Variants in DMTF1 observed in about 807,000 individuals in gnomAD.
DMTF1 encodes the protein cyclin D binding myb like transcription factor 1.
DMTF1 carries 39 observed loss-of-function variants against 91.1 expected under a neutral mutation model. That is an observed-to-expected ratio of 0.43 (90% CI 0.33 to 0.56). DMTF1 has a LOEUF of 0.56. DMTF1 is among the 20% of genes least tolerant of loss of function. The pLI is 0.05. For synonymous variants in DMTF1, 338 were observed against 309.5 expected (o/e 1.09, Z -0.97); for missense variants, 750 against 914.5 (o/e 0.82, Z 2.32).
chr7:87,158,083 T>C (rs1242270181), intron 1 of DMTF1, among the ~76,000 whole-genome samples: 3 of 152,032 alleles, frequency 2.0e-5, no homozygotes, highest in African/African-American at 7.2e-5. Context: ...CTATCAACTT[T>C]TGTGGCCCAG....
chr7:87,180,241 T>C (rs902896595), intron 8 of DMTF1, among the ~76,000 whole-genome samples: 11 of 152,246 alleles, frequency 7.2e-5, no homozygotes, highest in African/African-American at 2.4e-4. Context: ...TAGGTGGCAG[T>C]AGTATGGCTT....
rs143293688 is a variant in DMTF1, at chr7:87,167,391, T to A, written c.232+786T>A. Among the ~76,000 whole-genome samples the A allele has an allele frequency of 1.0e-3, 156 of 152,094 alleles. 1 individual carries two copies. In the East Asian group the frequency reaches 0.024, roughly 23 times the overall value. ...GATTTGCTTAGCAAAGAGTGTGGAG[T>A]GTTCAGGAAGATTCTGGAGTAGATG... On this transcript the variant is annotated intron_variant, in intron 4 of 17. Transcript: ENST00000331242.
At chr7:87,190,906 A>G in intron 13 of DMTF1, 39 bp from the exon 14 acceptor site, 1 of 1,525,476 alleles carries the variant, frequency 6.6e-7, no homozygotes, top group Non-Finnish European at 8.9e-7. Flanking sequence ...CATTTATTGT[A>G]AATTATTCTT....
chr7:87,159,364 C>G (rs1200188870), intron 1 of DMTF1, among the ~76,000 whole-genome samples: 1 of 151,478 alleles, frequency 6.6e-6, no homozygotes, highest in African/African-American at 2.4e-5. Context: ...TTTCTAATAA[C>G]TGATGATAAA....
chr7:87,154,924 AC>A (rs1790282716), intron 1 of DMTF1, among the ~76,000 whole-genome samples: 1 of 152,144 alleles, frequency 6.6e-6, no homozygotes, highest in Non-Finnish European at 1.5e-5. Flanking sequence ...AAAAAATCTT[AC>A]CTTTCTATTA....
In DMTF1 at chr7:87,180,496, C is replaced by A. The variant is rs556073270; in HGVS notation, c.677+794C>A. ...ATGGACATTTTTAAAAAGAACATTA[C>A]ATAGGCTGTATTGAGTACTTGCCTA... On this transcript the variant is annotated intron_variant, in intron 8 of 17. Transcript: ENST00000331242. Among the ~76,000 whole-genome samples, 8 of 152,302 alleles carry A rather than the reference C, an allele frequency of 5.3e-5. No homozygotes were observed. The South Asian group carries it at 1.7e-3, about 32-fold the overall frequency.
Position 87,185,937 on chromosome 7 carries a change from C to G in DMTF1, c.1158C>G (p.Thr386=). ...AATGGCTACGAAGTAAATGGTGGAC[C>G]ATCAAAAGGCAAATTGCAAACCATA... ...SPQWLRSKWW[T]IKRQIANHKD... Residue 386 remains threonine, a synonymous_variant, in exon 12 of 18, where the codon ACC becomes ACG. Coordinates refer to ENST00000331242, the MANE Select transcript of DMTF1 (RefSeq NM_001142327.2). 6.2e-7 allele frequency: 1 copy of G among 1,613,824 alleles called. No homozygotes were observed. The highest frequency in any genetic ancestry group is 8.5e-7 in the Non-Finnish European group (1 of 1,179,840).
chr7:87,173,565 T>A lies in DMTF1; in HGVS notation c.358T>A (p.Ser120Thr), dbSNP rs747563392. The A allele has an allele frequency of 6.2e-7, 1 of 1,609,714 alleles. No individual in the cohort carries two copies. Among genetic ancestry groups the A allele is most frequent in the Admixed American group, 1.7e-5 (1 of 59,550 alleles). ...ILQNEQLDEI[S>T]PLGNEEVSAV... ...GCAGAATGAGCAACTAGATGAAATA[T>A]CTCCCTTGGGTAACGAGGAAGTTTC... The change falls in exon 6 of 18, where the codon TCT becomes ACT. Residue 120 changes from serine to threonine, a missense_variant. Ser to Thr is a moderately conservative substitution (Grantham distance 58, BLOSUM62 1). Coordinates refer to ENST00000331242, the MANE Select transcript of DMTF1 (RefSeq NM_001142327.2).
In DMTF1 at chr7:87,170,535, C is replaced by T. The variant is rs149232979; in HGVS notation, c.233-460C>T. ...TGTCTCAGAGCCTTTGCACTTGGCT[C>T]TCCTTGAAATGCTCTTCCTTGAGAT... On this transcript the variant is annotated intron_variant, in intron 4 of 17. Transcript: ENST00000331242. Among the ~76,000 whole-genome samples, 7 of 152,150 alleles carry T rather than the reference C, an allele frequency of 4.6e-5. No homozygotes were observed. The East Asian group carries it at 1.3e-3, about 29-fold the overall frequency.
At chr7:87,185,780 TA>T (rs1462520000) in intron 11 of DMTF1, 48 bp from the exon 12 acceptor site, 3 of 1,605,256 alleles carry the variant, frequency 1.9e-6, no homozygotes, top group Non-Finnish European at 2.6e-6. Context: ...GAGGGGTTCT[TA>T]TAGAGAAATT....
At chr7:87,174,782 G>A (rs1795880129) in intron 7 of DMTF1, 113 bp downstream of exon 7, 1 of 568,592 alleles carries the variant, frequency 1.8e-6, no homozygotes, top group Non-Finnish European at 3.1e-6. Context: ...TTTTTGTAAT[G>A]GATTTTCATA....
At chr7:87,160,909 CTT>C (rs1172881857) in intron 1 of DMTF1, among the ~76,000 whole-genome samples, 1 of 152,152 alleles carries the variant, frequency 6.6e-6, no homozygotes, top group African/African-American at 2.4e-5. Context: ...TCTCTAACCT[CTT>C]TAAGAAATCT....
chr7:87,155,539 A>C (rs1449272857), intron 1 of DMTF1: 17 of 152,220 alleles, frequency 1.1e-4, no homozygotes, highest in Non-Finnish European at 7.3e-5. Context: ...CCAAATATTA[A>C]AGATAAAATA....
At chr7:87,177,835 C>T (rs956079919) in intron 7 of DMTF1, among the ~76,000 whole-genome samples, 3 of 152,132 alleles carry the variant, frequency 2.0e-5, no homozygotes, top group Non-Finnish European at 4.4e-5. Flanking sequence ...CAAGCTGCCA[C>T]AAATTTGTTT....
intron 1 of DMTF1, among the ~76,000 whole-genome samples, chr7:87,158,468 G>C (rs200693211): frequency 6.6e-5 from 10 of 151,964 alleles, no homozygotes. Context: ...CATTGAGATT[G>C]TTACAGGAAC....
intron 7 of DMTF1, 33 bp from the exon 8 acceptor site, chr7:87,179,512 A>G: frequency 1.4e-6 from 2 of 1,464,490 alleles, no homozygotes; most frequent in Non-Finnish European, 9.0e-7. Flanking sequence ...TTTTATCAGA[A>G]ATCCCTAAAT....
intron 1 of DMTF1, among the ~76,000 whole-genome samples, chr7:87,161,867 T>C (rs922969971): frequency 6.6e-6 from 1 of 152,246 alleles, no homozygotes; most frequent in African/African-American, 2.4e-5. Context: ...TCTCAATGGT[T>C]GGGATATAAA....
chr7:87,163,987 A>G (rs3789251), intron 2 of DMTF1, among the ~76,000 whole-genome samples: 125,675 of 148,852 alleles, frequency 0.84, 53,221 homozygotes, highest in Middle Eastern at 0.96. Context: ...AGGCTCTAGG[A>G]CCCTTAAGAC....
At chr7:87,190,540 G>A (rs1272119109) in intron 13 of DMTF1, among the ~76,000 whole-genome samples, 1 of 151,932 alleles carries the variant, frequency 6.6e-6, no homozygotes, top group Non-Finnish European at 1.5e-5. Context: ...TATACCAAGG[G>A]TTAGCAAACC....
Sources: gnomAD v4.1 joint callset for allele counts (sites outside exome capture counted in the v4.1 genomes callset) on GRCh38, gnomAD v4.1.1 for gene constraint, MANE v1.5 for transcripts, NCBI Gene and HGNC (gene_info 2026-07-23, HGNC 2026-07-21) for gene names.